PPP2R3A: variants seen among roughly 807,000 people sequenced by gnomAD.
The protein encoded by PPP2R3A is serine/threonine-protein phosphatase 2A regulatory subunit B'' subunit alpha.
Under a neutral mutation model 106.9 loss-of-function variants are expected in PPP2R3A, and 80 were observed. The observed-to-expected ratio is 0.75, with a 90% CI of 0.62 to 0.90. The LOEUF is 0.90. PPP2R3A is among the 40% of genes least tolerant of loss of function. PPP2R3A has a pLI of 0.00. For synonymous variants in PPP2R3A, 483 were observed against 468.3 expected (o/e 1.03, Z -0.41); for missense variants, 1,386 against 1,350.4 (o/e 1.03, Z -0.41).
chr3:136,145,174 T>C lies in PPP2R3A; in HGVS notation c.*8T>C. 1.2e-6 allele frequency: 2 copies of C among 1,601,266 alleles called. No homozygotes were observed. The highest frequency in any genetic ancestry group is 1.7e-6 in the Non-Finnish European group (2 of 1,176,380). ...TCAGTGGATGAAGAATAGCTGCCGGTGTCTACAATGAAACGAAGATGTGTA... is the reference window on the plus strand; with the variant it reads ...TCAGTGGATGAAGAATAGCTGCCGGCGTCTACAATGAAACGAAGATGTGTA... On this transcript the variant is annotated 3_prime_UTR_variant, in exon 14 of 14. Coordinates refer to ENST00000264977, the MANE Select transcript of PPP2R3A (RefSeq NM_002718.5).
At chr3:136,130,706 A>G (rs1434979861) in intron 13 of PPP2R3A, among the ~76,000 whole-genome samples, 1 of 152,194 alleles carries the variant, frequency 6.6e-6, no homozygotes, top group Admixed American at 6.5e-5. Context: ...TGCCAAGACA[A>G]TCCTAAGCAA....
rs1937431248 is a variant in PPP2R3A at position 136,103,440 on chromosome 3, T to C, written c.3222+64T>C. 4 of 1,122,668 alleles carry C rather than the reference T, an allele frequency of 3.6e-6. No homozygotes were observed. The African/African-American group carries it at 4.7e-5, about 13-fold the overall frequency. The allele number at this position is 1,122,668 out of a possible 1,614,324, so 69.5% of individuals were successfully genotyped here. On this transcript the variant is annotated intron_variant, in intron 12 of 13. Coordinates refer to ENST00000264977, the MANE Select transcript of PPP2R3A (RefSeq NM_002718.5). ...TGTCAGGGGCTGTGTGTGCTACATATTAACATGGTCTCTGCATGCTGGAAT... is the reference window on the plus strand; with the variant it reads ...TGTCAGGGGCTGTGTGTGCTACATACTAACATGGTCTCTGCATGCTGGAAT...
intron 1 of PPP2R3A, among the ~76,000 whole-genome samples, chr3:135,985,307 C>G (rs1217165868): frequency 6.6e-6 from 1 of 151,748 alleles, no homozygotes; most frequent in African/African-American, 2.4e-5. Context: ...CACTTTGTCT[C>G]TCTCTCTCTC....
chr3:136,142,014 A>C (rs539857620), intron 13 of PPP2R3A, among the ~76,000 whole-genome samples: 17 of 152,304 alleles, frequency 1.1e-4, no homozygotes, highest in South Asian at 2.1e-4. Context: ...CTGTTCTGAA[A>C]GAGCCATCTA....
chr3:136,081,795 C>T (rs928707653), intron 7 of PPP2R3A, among the ~76,000 whole-genome samples: 2 of 152,178 alleles, frequency 1.3e-5, no homozygotes, highest in African/African-American at 4.8e-5. Flanking sequence ...CACCATGTAT[C>T]ATCACTATTG....
chr3:136,086,684 A>G lies in PPP2R3A; in HGVS notation c.2789-1199A>G, dbSNP rs192899466. On this transcript the variant is annotated intron_variant, in intron 8 of 13. Coordinates refer to ENST00000264977, the MANE Select transcript of PPP2R3A (RefSeq NM_002718.5). ...TAGTACAAATTAACCCCATAAACCAATGTTCAGCAAAATATAGAAGGTCTT... is the reference window on the plus strand; with the variant it reads ...TAGTACAAATTAACCCCATAAACCAGTGTTCAGCAAAATATAGAAGGTCTT... 4.1e-3 allele frequency among the ~76,000 whole-genome samples: 630 copies of G among 152,142 alleles called. 2 individuals are homozygous for G. The highest frequency in any genetic ancestry group is 6.8e-3 in the Non-Finnish European group (459 of 67,982).
intron 10 of PPP2R3A, among the ~76,000 whole-genome samples, chr3:136,095,024 G>A (rs745420163): frequency 3.9e-5 from 6 of 152,166 alleles, no homozygotes; most frequent in Non-Finnish European, 7.3e-5. Context: ...ATCTGCAGAT[G>A]CCCCAAGGGA....
intron 4 of PPP2R3A, among the ~76,000 whole-genome samples, 179 bp downstream of exon 4, chr3:136,041,141 C>A (rs1935254156): frequency 6.6e-6 from 1 of 151,822 alleles, no homozygotes. Flanking sequence ...TTGCCACAAG[C>A]CTTTATCTAA....
chr3:136,001,755 A>C lies in PPP2R3A; in HGVS notation c.257A>C (p.Tyr86Ser), dbSNP rs374294452. The C allele has an allele frequency of 6.2e-7, 1 of 1,614,132 alleles. No homozygotes were observed. Among genetic ancestry groups the C allele is most frequent in the Non-Finnish European group, 8.5e-7 (1 of 1,180,018 alleles). ...ENGLSSAEGD[Y>S]PQQAFTGIPR... ...GGGCTTTCTTCGGCTGAAGGAGACT[A>C]TCCCCAACAGGCCTTCACAGGCATA... The change falls in exon 2 of 14, where the codon TAT (tyrosine) becomes TCT (serine). Residue 86 changes from tyrosine (Y) to serine (S), a missense_variant. By Grantham distance (144) the Tyr-to-Ser change is moderately radical. Transcript: ENST00000264977.
chr3:136,136,066 AAAAAAAAT>A (rs1464009656), intron 13 of PPP2R3A, among the ~76,000 whole-genome samples: 14 of 34,248 alleles, frequency 4.1e-4, no homozygotes, highest in South Asian at 2.5e-3. Flanking sequence ...AAAAAAAAAA[AAAAAAAAT>A]TATATATATA....
Position 136,026,974 on chromosome 3 carries a change from A to C in PPP2R3A, c.2138A>C (p.Tyr713Ser). ...APLSINIPRF[Y>S]FPEGLPDTCS... ...TTGTCCATAAACATTCCACGGTTCT[A>C]CTTTCCTGAAGGACTCCCAGATACC... The change falls in exon 3 of 14, where the codon TAC becomes TCC. Residue 713 changes from tyrosine to serine, a missense_variant. Physicochemically the swap from Tyr to Ser is moderately radical, Grantham distance 144. Coordinates refer to ENST00000264977, the MANE Select transcript of PPP2R3A (RefSeq NM_002718.5). 6.2e-7 allele frequency: 1 copy of C among 1,613,702 alleles called. No homozygotes were observed. Among genetic ancestry groups the C allele is most frequent in the African/African-American group, 1.3e-5 (1 of 75,002 alleles).
At chr3:136,132,864 C>G (rs115200667) in intron 13 of PPP2R3A, among the ~76,000 whole-genome samples, 3,851 of 152,026 alleles carry the variant, frequency 0.025, 171 homozygotes, top group African/African-American at 0.089. Flanking sequence ...GTACTGTAAA[C>G]CAATCATCAA....
rs2107968960 is a variant in PPP2R3A at position 136,103,500 on chromosome 3, A to G, written c.3222+124A>G. 4 of 670,910 alleles carry G rather than the reference A, an allele frequency of 6.0e-6. 1 individual carries two copies. The East Asian group carries it at 1.1e-4, about 19-fold the overall frequency. The allele number at this position is 670,910 out of a possible 1,614,324, so 41.6% of individuals were successfully genotyped here. On this transcript the variant is annotated intron_variant, in intron 12 of 13. Transcript: ENST00000264977. ...GAGGTAACATTTGTAACATTTCATT[A>G]AAGACTAAAAAGAGACAATAAAGGA...
At chr3:136,048,772 A>G (rs1242552276) in intron 4 of PPP2R3A, among the ~76,000 whole-genome samples, 1 of 152,218 alleles carries the variant, frequency 6.6e-6, no homozygotes, top group Non-Finnish European at 1.5e-5. Context: ...ATCAAGCAAC[A>G]AACAAGAGCC....
chr3:136,090,206 T>G (rs2107945309), intron 9 of PPP2R3A, among the ~76,000 whole-genome samples: 1 of 152,326 alleles, frequency 6.6e-6, no homozygotes, highest in Middle Eastern at 3.4e-3. Flanking sequence ...TTCTAGCTTT[T>G]GTCCATTCAG....
In PPP2R3A at chr3:136,073,482, A is replaced by T. The variant is rs550110318; in HGVS notation, c.2544+2930A>T. On this transcript the variant is annotated intron_variant, in intron 6 of 13. Coordinates refer to ENST00000264977, the MANE Select transcript of PPP2R3A (RefSeq NM_002718.5). ...ATTTGTTAAATTTCACTTTGTTATT[A>T]ACATTGTGCTGCTTTATCTCCAATG... Among the ~76,000 whole-genome samples, 1,110 of 152,336 alleles carry T rather than the reference A, an allele frequency of 7.3e-3. 7 individuals are homozygous for T. The highest frequency in any genetic ancestry group is 0.011 in the Non-Finnish European group (741 of 68,032).
At chr3:136,065,606 G>A (rs1289322987) in intron 5 of PPP2R3A, among the ~76,000 whole-genome samples, 1 of 152,122 alleles carries the variant, frequency 6.6e-6, no homozygotes, top group Non-Finnish European at 1.5e-5. Flanking sequence ...TGAAATTTTG[G>A]TTATGGGAAA....
intron 9 of PPP2R3A, 124 bp downstream of exon 9, chr3:136,088,055 A>G: frequency 1.4e-6 from 1 of 730,314 alleles, no homozygotes; most frequent in Non-Finnish European, 2.3e-6. Flanking sequence ...CCTATAAAAC[A>G]TAGTTATGGC....
chr3:136,138,596 A>G (rs1938714424), intron 13 of PPP2R3A, among the ~76,000 whole-genome samples: 2 of 151,312 alleles, frequency 1.3e-5, no homozygotes, highest in African/African-American at 2.4e-5. Context: ...CATTTTATAT[A>G]AGTGGCTTAG....
Sources: allele counts gnomAD v4.1 joint callset (sites outside exome capture counted in the v4.1 genomes callset), GRCh38; gene constraint gnomAD v4.1.1; transcripts MANE v1.5; gene names NCBI Gene and HGNC (gene_info 2026-07-23, HGNC 2026-07-21).